TENM3: variants seen among roughly 807,000 people sequenced by gnomAD.
TENM3 encodes the protein teneurin-3.
TENM3 carries 63 observed loss-of-function variants against 255.1 expected under a neutral mutation model. The ratio of observed to expected loss-of-function variants is 0.25; its 90% confidence interval spans 0.20 to 0.30. The LOEUF (loss-of-function observed/expected upper bound fraction) is 0.30. TENM3 is among the 10% of genes least tolerant of loss of function. The pLI is 1.00. For missense variants in TENM3, 2,929 were observed against 3,461.1 expected, an observed-to-expected ratio of 0.85 and a Z score of 3.86; for synonymous variants, 1,306 against 1,322.3, an observed-to-expected ratio of 0.99 and a Z score of 0.27.
chr4:182,760,737 A>G (rs78202189), intron 22 of TENM3, among the ~76,000 whole-genome samples: 23,695 of 152,086 alleles, frequency 0.16, 1,974 homozygotes, highest in South Asian at 0.21. Flanking sequence ...CAAGCTTTTC[A>G]ATTTCAGAAT....
the TENM3 span, among the ~76,000 whole-genome samples, chr4:181,652,377 G>A: frequency 5.3e-5 from 8 of 149,650 alleles, no homozygotes; most frequent in South Asian, 2.2e-4. Flanking sequence ...CTTCCTCCTC[G>A]CCTACACTCT....
At chr4:182,735,768 TG>T (rs201263327) in intron 16 of TENM3, among the ~76,000 whole-genome samples, 3,133 of 152,308 alleles carry the variant, frequency 0.021, 37 homozygotes, top group Middle Eastern at 0.11. Context: ...ACAGGAGCAT[TG>T]GTAAAGAGAA....
the TENM3 span, among the ~76,000 whole-genome samples, chr4:182,100,818 TACAC>T: frequency 0.37 from 4,493 of 12,228 alleles, 1,363 homozygotes; most frequent in Non-Finnish European, 0.44. Flanking sequence ...CACATATATA[TACAC>T]ATATATATAT....
At position 182,650,272 on chromosome 4, in the gene TENM3, G is replaced by A. The variant is rs201777072; in HGVS notation, c.989-3499G>A. ...TGTACGTCTTCACCTGAGACCCAGG[G>A]CAGTGAGGGACTCAGAAGAGCACAG... On this transcript the variant is annotated intron_variant, in intron 5 of 27. Coordinates refer to ENST00000511685, the MANE Select transcript of TENM3 (RefSeq NM_001080477.4). Among the ~76,000 whole-genome samples, 14 of 150,106 alleles carry A rather than the reference G, an allele frequency of 9.3e-5. 3 individuals are homozygous for A. In the South Asian group the frequency reaches 1.5e-3, roughly 17 times the overall value.
chr4:181,660,359 G>A, the TENM3 span, among the ~76,000 whole-genome samples: 4 of 151,870 alleles, frequency 2.6e-5, no homozygotes, highest in African/African-American at 7.3e-5. Flanking sequence ...CTCTATTGAC[G>A]GCATTACTGT....
At chr4:182,315,940 C>A (rs1762725755) in intron 1 of TENM3, among the ~76,000 whole-genome samples, 1 of 151,998 alleles carries the variant, frequency 6.6e-6, no homozygotes, top group South Asian at 2.1e-4. Context: ...TTGACTTTAG[C>A]CTTCTTTTTA....
chr4:181,656,716 C>T, the TENM3 span, among the ~76,000 whole-genome samples: 2 of 151,902 alleles, frequency 1.3e-5, no homozygotes, highest in African/African-American at 2.4e-5. Flanking sequence ...AGGGGTGGAG[C>T]TATGAACTGA....
At chr4:182,074,610 A>C in the TENM3 span, among the ~76,000 whole-genome samples, 1 of 152,230 alleles carries the variant, frequency 6.6e-6, no homozygotes, top group African/African-American at 2.4e-5. Flanking sequence ...AGCAAGAAAG[A>C]AAGATGGAAA....
In TENM3 at chr4:182,601,108, C is replaced by T. The variant is rs774670859; in HGVS notation, c.696C>T (p.Ser232=). The change falls in exon 4 of 28, where the codon TCC becomes TCT. Residue 232 remains serine (S), a synonymous_variant. Coordinates refer to ENST00000511685, the MANE Select transcript of TENM3 (RefSeq NM_001080477.4). ...LPAELQTTPE[S]VQLQDSWVLG... is the part of the protein sequence containing the mutation. ...CCGAGCTGCAAACCACACCCGAGTC[C>T]GTCCAGCTGCAGGACAGCTGGGTCC... is the stretch of plus-strand genomic sequence containing the variant. 2.5e-6 allele frequency: 4 copies of T among 1,613,782 alleles called. No individual in the cohort carries two copies. Among genetic ancestry groups the T allele is most frequent in the South Asian group, 2.2e-5 (2 of 91,066 alleles).
chr4:181,598,527 A>AT, the TENM3 span, among the ~76,000 whole-genome samples: 1 of 152,116 alleles, frequency 6.6e-6, no homozygotes, highest in African/African-American at 2.4e-5. Context: ...TTTTTAAAGG[A>AT]TTTTTTTATG....
At chr4:182,535,980 T>C (rs995494384) in intron 3 of TENM3, among the ~76,000 whole-genome samples, 33 of 152,226 alleles carry the variant, frequency 2.2e-4, no homozygotes, top group African/African-American at 7.7e-4. Context: ...ATTTAGATTA[T>C]CTATTTTAAT....
At chr4:181,904,142 A>C in the TENM3 span, among the ~76,000 whole-genome samples, 1 of 152,074 alleles carries the variant, frequency 6.6e-6, no homozygotes. Context: ...ATCTCTTCTG[A>C]AGCCTGCAGC....
chr4:181,805,506 G>T, the TENM3 span, among the ~76,000 whole-genome samples: 1 of 152,070 alleles, frequency 6.6e-6, no homozygotes, highest in Non-Finnish European at 1.5e-5. Flanking sequence ...TGCAGAATCC[G>T]CAGACTAGCT....
At chr4:182,697,019 A>C (rs577379833) in intron 12 of TENM3, among the ~76,000 whole-genome samples, 1 of 152,256 alleles carries the variant, frequency 6.6e-6, no homozygotes, top group South Asian at 2.1e-4. Context: ...GAAAATAGTA[A>C]CTACCTCGTA....
intron 3 of TENM3, among the ~76,000 whole-genome samples, chr4:182,461,451 T>C (rs1731973528): frequency 6.6e-6 from 1 of 152,142 alleles, no homozygotes; most frequent in Non-Finnish European, 1.5e-5. Flanking sequence ...GAAAAGTGGG[T>C]TGGAACCAGA....
At chr4:181,505,239 T>C in the TENM3 span, among the ~76,000 whole-genome samples, 1 of 152,220 alleles carries the variant, frequency 6.6e-6, no homozygotes. Flanking sequence ...CACTGTTTGC[T>C]CTTCCCACAG....
At chr4:182,729,703 C>T (rs951487357) in intron 14 of TENM3, among the ~76,000 whole-genome samples, 3 of 152,052 alleles carry the variant, frequency 2.0e-5, no homozygotes, top group African/African-American at 7.2e-5. Flanking sequence ...TGATTTACAC[C>T]AGAACTCCTG....
At chr4:181,699,146 C>T in the TENM3 span, among the ~76,000 whole-genome samples, 1 of 152,062 alleles carries the variant, frequency 6.6e-6, no homozygotes. Context: ...GAAAATACTA[C>T]AAGGCCAGGC....
intron 3 of TENM3, among the ~76,000 whole-genome samples, chr4:182,405,739 G>A (rs1473092968): frequency 4.6e-5 from 7 of 152,140 alleles, no homozygotes; most frequent in Admixed American, 4.6e-4. Flanking sequence ...GTTGCGCTAG[G>A]CATTGAAGAA....
Sources: gnomAD v4.1 joint callset for allele counts (sites outside exome capture counted in the v4.1 genomes callset) on GRCh38, gnomAD v4.1.1 for gene constraint, MANE v1.5 for transcripts, NCBI Gene and HGNC (gene_info 2026-07-23, HGNC 2026-07-21) for gene names.